Variants in GFRA1 observed in about 807,000 individuals in gnomAD.
The protein encoded by GFRA1 is GDNF family receptor alpha-1.
A neutral mutation model predicts 51.6 loss-of-function variants in GFRA1; 16 were observed. The observed-to-expected ratio is 0.31, with a 90% CI of 0.21 to 0.47. The LOEUF is 0.47. GFRA1 is among the 20% of genes least tolerant of loss of function. The pLI, the probability that GFRA1 is intolerant of heterozygous loss-of-function variation, is 1.00. For missense variants in GFRA1, 530 were observed against 594.3 expected (o/e 0.89, Z 1.13); for synonymous variants, 270 against 241.3 (o/e 1.12, Z -1.10).
chr10:116,067,300 C>T (rs1402561908), intron 9 of GFRA1, among the ~76,000 whole-genome samples: 1 of 152,144 alleles, frequency 6.6e-6, no homozygotes, highest in Non-Finnish European at 1.5e-5. Context: ...ACCAAAATGG[C>T]CCTAAAACAT....
chr10:116,190,653 G>A (rs753133416), intron 5 of GFRA1, among the ~76,000 whole-genome samples: 7 of 152,080 alleles, frequency 4.6e-5, no homozygotes, highest in East Asian at 1.9e-4. Flanking sequence ...CCCCAGACTC[G>A]TGATCTACCA....
chr10:116,167,729 G>A (rs1036254134), intron 5 of GFRA1, among the ~76,000 whole-genome samples: 3 of 152,158 alleles, frequency 2.0e-5, no homozygotes, highest in African/African-American at 7.2e-5. Context: ...CAAGTTGCAG[G>A]TCTAGGGAGG....
chr10:116,183,507 G>A (rs1241862968), intron 5 of GFRA1, among the ~76,000 whole-genome samples: 1 of 152,144 alleles, frequency 6.6e-6, no homozygotes, highest in Admixed American at 6.5e-5. Flanking sequence ...CTGAAATCAT[G>A]GCCCCACTCC....
intron 4 of GFRA1, among the ~76,000 whole-genome samples, chr10:116,257,680 A>C (rs1968979173): frequency 1.3e-5 from 2 of 152,196 alleles, no homozygotes; most frequent in Non-Finnish European, 2.9e-5. Flanking sequence ...AACTATATTA[A>C]GTTGAACTGT....
intron 5 of GFRA1, among the ~76,000 whole-genome samples, chr10:116,138,636 C>T (rs1256349409): frequency 1.7e-5 from 2 of 118,096 alleles, no homozygotes; most frequent in African/African-American, 3.8e-5. Context: ...ATGGTAGGAA[C>T]CCCCCCCCGA....
chr10:116,148,084 G>GTGTGCATGCATT (rs1179863905), intron 5 of GFRA1, among the ~76,000 whole-genome samples: 4 of 148,858 alleles, frequency 2.7e-5, no homozygotes, highest in Non-Finnish European at 6.0e-5. Context: ...GCATGTGTGT[G>GTGTGCATGCATT]TGTGCATGCG....
At chr10:116,181,036 G>T (rs370216516) in intron 5 of GFRA1, among the ~76,000 whole-genome samples, 3 of 152,196 alleles carry the variant, frequency 2.0e-5, no homozygotes, top group African/African-American at 7.2e-5. Context: ...TCCTGGTAGA[G>T]AGTCAATTTT....
chr10:116,235,182 AAAACCC>A (rs1966853045), intron 4 of GFRA1, among the ~76,000 whole-genome samples: 1 of 152,176 alleles, frequency 6.6e-6, no homozygotes, highest in South Asian at 2.1e-4. Flanking sequence ...AGCGAGCAAC[AAAACCC>A]AAGGATATCC....
chr10:116,092,793 A>G (rs1956406997), intron 8 of GFRA1, among the ~76,000 whole-genome samples: 1 of 152,152 alleles, frequency 6.6e-6, no homozygotes, highest in South Asian at 2.1e-4. Flanking sequence ...ATGAGAATGT[A>G]TATTTTACAC....
chr10:116,249,985 T>A (rs1968189485), intron 4 of GFRA1, among the ~76,000 whole-genome samples: 1 of 152,156 alleles, frequency 6.6e-6, no homozygotes, highest in Non-Finnish European at 1.5e-5. Flanking sequence ...ATGGAAGACC[T>A]CTGGTTGAAA....
At chr10:116,075,015 TTTA>T (rs892585766) in intron 9 of GFRA1, among the ~76,000 whole-genome samples, 8 of 152,220 alleles carry the variant, frequency 5.3e-5, no homozygotes, top group Non-Finnish European at 1.0e-4. Context: ...CCTATTCCTT[TTTA>T]TTAAGCATGT....
chr10:116,075,619 C>T (rs969831082), intron 9 of GFRA1, among the ~76,000 whole-genome samples: 1 of 152,136 alleles, frequency 6.6e-6, no homozygotes, highest in Non-Finnish European at 1.5e-5. Flanking sequence ...CCTTCAGCAT[C>T]TTCTCCTAAG....
intron 5 of GFRA1, among the ~76,000 whole-genome samples, chr10:116,178,604 C>T (rs999490763): frequency 4.6e-5 from 7 of 152,164 alleles, no homozygotes; most frequent in African/African-American, 9.7e-5. Context: ...AGGTGAATAC[C>T]GTGCAGTGGA....
intron 5 of GFRA1, among the ~76,000 whole-genome samples, chr10:116,166,780 C>CTTTTTT (rs530399969): frequency 4.6e-4 from 35 of 76,446 alleles, no homozygotes; most frequent in African/African-American, 6.5e-4. Flanking sequence ...CAACAATCTT[C>CTTTTTT]TTTTTTTTTT....
chr10:116,095,536 T>A (rs1004975803), intron 7 of GFRA1, among the ~76,000 whole-genome samples: 3 of 152,188 alleles, frequency 2.0e-5, no homozygotes, highest in African/African-American at 4.8e-5. Flanking sequence ...GGTACACTCA[T>A]TGGCCCAATC....
At chr10:116,195,385 C>T (rs1197618935) in intron 5 of GFRA1, among the ~76,000 whole-genome samples, 2 of 152,122 alleles carry the variant, frequency 1.3e-5, no homozygotes, top group Non-Finnish European at 2.9e-5. Flanking sequence ...CTTTTTGGCA[C>T]CAGAGATAGG....
intron 5 of GFRA1, among the ~76,000 whole-genome samples, chr10:116,149,564 C>A (rs533862368): frequency 2.0e-5 from 3 of 152,282 alleles, no homozygotes; most frequent in South Asian, 2.1e-4. Flanking sequence ...AAAACGTATT[C>A]TCTCGTTGAT....
At position 116,272,052 on chromosome 10, in the gene GFRA1, C is replaced by G. The variant is rs1327093800; in HGVS notation, c.-23G>C. ...CATGGTGCCGGCGCGGGGCTGGTCCCCGCCCCCCCAAAAAAATCCCGAGCC... is the reference window on the plus strand; with the variant it reads ...CATGGTGCCGGCGCGGGGCTGGTCCGCGCCCCCCCAAAAAAATCCCGAGCC... On this transcript the variant is annotated 5_prime_UTR_variant, in exon 2 of 11. Transcript: ENST00000355422. The surrounding 1 kb of genome is among the most constrained non-coding windows in gnomAD (Gnocchi z 4.4). 6.5e-7 allele frequency: 1 copy of G among 1,548,734 alleles called. No individual in the cohort carries two copies.
At chr10:116,186,320 C>G (rs1037207303) in intron 5 of GFRA1, among the ~76,000 whole-genome samples, 2 of 152,146 alleles carry the variant, frequency 1.3e-5, no homozygotes, top group Non-Finnish European at 2.9e-5. Flanking sequence ...TGTAACTCCC[C>G]GAAGCAACCT....
Sources: gnomAD v4.1 joint callset for allele counts (sites outside exome capture counted in the v4.1 genomes callset) on GRCh38, gnomAD v4.1.1 for gene constraint, Gnocchi (gnomAD v3.1) non-coding constraint, MANE v1.5 for transcripts, NCBI Gene and HGNC (gene_info 2026-07-23, HGNC 2026-07-21) for gene names.